The following CEP85L variants were observed in gnomAD, a reference collection of about 807,000 sequenced individuals.
CEP85L encodes the protein centrosomal protein of 85 kDa-like.
CEP85L carries 60 observed loss-of-function variants against 100.3 expected under a neutral mutation model. That is an observed-to-expected ratio of 0.60 (90% CI 0.49 to 0.74). The LOEUF is 0.74. CEP85L is among the 30% of genes least tolerant of loss of function. The probability of loss-of-function intolerance (pLI) is 0.00; values close to 1 mark genes in which losing one functional copy is unlikely to be tolerated. For missense variants in CEP85L, 973 were observed against 936.2 expected (o/e 1.04, Z -0.51); for synonymous variants, 319 against 322.7 (o/e 0.99, Z 0.12).
intron 1 of CEP85L, among the ~76,000 whole-genome samples, chr6:118,705,782 A>G (rs1777574208): frequency 1.3e-5 from 2 of 152,240 alleles, no homozygotes; most frequent in Non-Finnish European, 2.9e-5. Flanking sequence ...TAATAATTTA[A>G]TGGGAATGGT....
At chr6:118,513,049 A>C (rs559186321) in intron 4 of CEP85L, among the ~76,000 whole-genome samples, 20 of 152,330 alleles carry the variant, frequency 1.3e-4, no homozygotes, top group Admixed American at 3.3e-4. Flanking sequence ...ATGACAAACA[A>C]CACACTGAAT....
At chr6:118,645,225 G>T (rs1775104180) in intron 1 of CEP85L, among the ~76,000 whole-genome samples, 1 of 152,086 alleles carries the variant, frequency 6.6e-6, no homozygotes, top group South Asian at 2.1e-4. Flanking sequence ...CATCATTCAG[G>T]TAACAATGTT....
chr6:118,476,635 T>G (rs73524117), intron 10 of CEP85L, among the ~76,000 whole-genome samples: 1,697 of 152,310 alleles, frequency 0.011, 44 homozygotes, highest in African/African-American at 0.039. Context: ...TTTATGAGAT[T>G]TGCTAAAAAT....
intron 1 of CEP85L, among the ~76,000 whole-genome samples, chr6:118,645,520 A>C (rs1775121183): frequency 6.6e-6 from 1 of 152,240 alleles, no homozygotes; most frequent in South Asian, 2.1e-4. Context: ...AAATACAAAA[A>C]TTAGCCAGCA....
chr6:118,480,994 A>C (rs1773737747), intron 8 of CEP85L, among the ~76,000 whole-genome samples: 2 of 150,884 alleles, frequency 1.3e-5, no homozygotes, highest in African/African-American at 4.9e-5. Flanking sequence ...TTTCTCTTTC[A>C]TTTCTTTTCT....
chr6:118,698,034 G>T (rs1232074730), intron 1 of CEP85L, among the ~76,000 whole-genome samples: 1 of 152,098 alleles, frequency 6.6e-6, no homozygotes, highest in East Asian at 1.9e-4. Flanking sequence ...GGTCCTAAGG[G>T]CCATATAAAA....
At chr6:118,610,659 A>G (rs1772545213) in intron 2 of CEP85L, among the ~76,000 whole-genome samples, 3 of 152,200 alleles carry the variant, frequency 2.0e-5, no homozygotes, top group Admixed American at 2.0e-4. Context: ...CAATAAGGAG[A>G]CAGTGCCCCA....
intron 2 of CEP85L, chr6:118,589,321 T>C (rs545080736): frequency 8.3e-6 from 2 of 240,836 alleles, no homozygotes; most frequent in African/African-American, 4.6e-5. Flanking sequence ...GGAATGATTC[T>C]GATATAGACT....
At position 118,501,011 on chromosome 6, in the gene CEP85L, T is replaced by TC. The variant is rs1562203976; in HGVS notation, c.1258-9147dup. ...TCAATTCTGCTTTCTCCCCTTTTCT[T>TC]CCCCCAGAACTGGCTTCTCTCCTTT... On this transcript the variant is annotated intron_variant, in intron 5 of 12. Transcript: ENST00000368491. Among the ~76,000 whole-genome samples, 8 of 152,322 alleles carry TC rather than the reference T, an allele frequency of 5.3e-5. No individual in the cohort carries two copies. The South Asian group carries it at 1.7e-3, about 32-fold the overall frequency.
chr6:118,521,548 G>C (rs1298341656), intron 4 of CEP85L, among the ~76,000 whole-genome samples: 3 of 152,190 alleles, frequency 2.0e-5, no homozygotes, highest in African/African-American at 7.2e-5. Flanking sequence ...CTGTCAACGT[G>C]ATTTTGCTGT....
At chr6:118,656,608 C>T (rs954228267), upstream of CEP85L, among the ~76,000 whole-genome samples, 2 of 152,032 alleles carry the variant, frequency 1.3e-5, no homozygotes, top group Non-Finnish European at 2.9e-5. Flanking sequence ...GTAGGACCTG[C>T]CTCAGCCTTT....
chr6:118,579,188 G>A (rs957655164), intron 2 of CEP85L, among the ~76,000 whole-genome samples: 7 of 152,170 alleles, frequency 4.6e-5, no homozygotes, highest in South Asian at 2.1e-4. Context: ...GAGCCACCAC[G>A]CCTGGCTGAA....
intron 1 of CEP85L, among the ~76,000 whole-genome samples, chr6:118,633,243 C>G (rs1033231660): frequency 4.0e-5 from 6 of 151,460 alleles, no homozygotes; most frequent in African/African-American, 1.5e-4. Context: ...CGCTGTCACC[C>G]AGGCTGGGTG....
chr6:118,549,563 T>G (rs1376212852), intron 3 of CEP85L, among the ~76,000 whole-genome samples: 1 of 151,852 alleles, frequency 6.6e-6, no homozygotes, highest in Non-Finnish European at 1.5e-5. Context: ...ATAAGAACTT[T>G]GTAACTCTGT....
Position 118,600,351 on chromosome 6 carries a change from GTGTGTGTGTGTGTGTGTGT to G in CEP85L, c.232+32083_232+32101del, listed in dbSNP as rs1562298008. 2.9e-5 allele frequency among the ~76,000 whole-genome samples: 4 copies of G among 138,844 alleles called. 1 individual carries two copies. The highest frequency in any genetic ancestry group is 3.2e-5 in the Non-Finnish European group (2 of 63,242). 91.1% of individuals were successfully genotyped at this position (138,844 alleles called of 152,430 possible). A position where few individuals can be genotyped will look rare whatever the true frequency, so the allele number is the denominator to read the frequency against. On this transcript the variant is annotated intron_variant, in intron 2 of 12. Coordinates refer to ENST00000368491, the MANE Select transcript of CEP85L (RefSeq NM_001042475.3). ...TGTGTGTGTGTGTGTGTGTGTGTGT[GTGTGTGTGTGTGTGTGTGT>G]AACGCCATGGAGCAATCTCAGCTCA...
intron 10 of CEP85L, among the ~76,000 whole-genome samples, chr6:118,478,513 G>C (rs555951498): frequency 6.6e-6 from 1 of 151,782 alleles, no homozygotes; most frequent in South Asian, 2.1e-4. Context: ...GGTCAGAATG[G>C]GCAAATGAGA....
rs746664532 is a variant in CEP85L at position 118,599,015 on chromosome 6, C to T, written c.233-32699G>A. 1.2e-4 allele frequency among the ~76,000 whole-genome samples: 18 copies of T among 152,180 alleles called. No homozygotes were observed. In the South Asian group the frequency reaches 1.9e-3, roughly 16 times the overall value. ...ATGTTTGGCTCAATACTAATACTGA[C>T]GAATAAACAGATAAATAATTCTAGA... On this transcript the variant is annotated intron_variant, in intron 2 of 12. Transcript: ENST00000368491.
At chr6:118,474,932 C>A (rs1773242380) in intron 10 of CEP85L, among the ~76,000 whole-genome samples, 1 of 152,128 alleles carries the variant, frequency 6.6e-6, no homozygotes, top group African/African-American at 2.4e-5. Flanking sequence ...GAAGAATACT[C>A]CTGAGGTCAG....
Position 118,566,182 on chromosome 6 carries a change from A to T in CEP85L, c.367T>A (p.Ser123Thr). 1 of 1,614,120 alleles carries T rather than the reference A, an allele frequency of 6.2e-7. No homozygotes were observed. Among genetic ancestry groups the T allele is most frequent in the Non-Finnish European group, 8.5e-7 (1 of 1,180,022 alleles). ...TGCATGAGGCTTGTACTCCATTTTG[A>T]GCCATCTGGTGTCAATGATTCCCTA... ...KLRESLTPDG[S>T]KWSTSLMQTL... Residue 123 changes from serine (S) to threonine (T), a missense_variant, in exon 3 of 13, where the codon TCA (serine) becomes ACA (threonine). Physicochemically the swap from Ser to Thr is moderately conservative, Grantham distance 58. Coordinates refer to ENST00000368491, the MANE Select transcript of CEP85L (RefSeq NM_001042475.3).
Sources: gnomAD v4.1 joint callset for allele counts (sites outside exome capture counted in the v4.1 genomes callset) on GRCh38, gnomAD v4.1.1 for gene constraint, MANE v1.5 for transcripts, NCBI Gene and HGNC (gene_info 2026-07-23, HGNC 2026-07-21) for gene names.